Variants in CNGB3 observed in about 807,000 individuals in gnomAD.
CNGB3 encodes the protein cyclic nucleotide-gated channel beta-3.
In CNGB3, 86 loss-of-function variants were observed where a neutral mutation model predicts 92.8. The ratio of observed to expected loss-of-function variants is 0.93; its 90% CI spans 0.78 to 1.11. The LOEUF (loss-of-function observed/expected upper bound fraction) is 1.11, where lower values mean the gene tolerates loss of function less well. Among genes scored for constraint, CNGB3 ranks in the 50% least tolerant of loss-of-function variants. CNGB3 has a pLI of 0.00. For synonymous variants in CNGB3, 333 were observed against 332.7 expected (o/e 1.00, Z -0.01); for missense variants, 1,026 against 956.8 (o/e 1.07, Z -0.95).
At chr8:86,701,128 A>G (rs1019519372) in intron 3 of CNGB3, among the ~76,000 whole-genome samples, 4 of 152,120 alleles carry the variant, frequency 2.6e-5, no homozygotes, top group Non-Finnish European at 5.9e-5. Flanking sequence ...TGAACCTGTT[A>G]TTTTCTATTT....
intron 15 of CNGB3, among the ~76,000 whole-genome samples, chr8:86,602,062 C>T (rs925133732): frequency 1.3e-5 from 2 of 152,138 alleles, no homozygotes; most frequent in Non-Finnish European, 2.9e-5. Context: ...AGTACTCAAC[C>T]CTTGGGAAAG....
At chr8:86,739,856 G>A in intron 1 of CNGB3, 120 bp from the exon 2 acceptor site, 1 of 1,179,742 alleles carries the variant, frequency 8.5e-7, no homozygotes, top group Non-Finnish European at 1.2e-6. Flanking sequence ...GACTGTTTAT[G>A]ATGTACTAAA....
At chr8:86,655,819 A>AAATAATT (rs1823495153) in intron 6 of CNGB3, among the ~76,000 whole-genome samples, 1 of 152,206 alleles carries the variant, frequency 6.6e-6, no homozygotes, top group African/African-American at 2.4e-5. Context: ...TTCAGACCTA[A>AAATAATT]AATAATTAAT....
chr8:86,622,126 T>A (rs1822747794), intron 13 of CNGB3, among the ~76,000 whole-genome samples: 3 of 152,212 alleles, frequency 2.0e-5, no homozygotes, highest in Admixed American at 2.0e-4. Context: ...TTCCTTTTTA[T>A]GGCTGATGGG....
chr8:86,659,181 T>A (rs1188713668), intron 6 of CNGB3: 1 of 712,632 alleles, frequency 1.4e-6, no homozygotes, highest in African/African-American at 1.8e-5. Context: ...TGTGTGCACC[T>A]GCTCTGACAT....
chr8:86,612,347 C>A (rs1219321283), intron 13 of CNGB3, among the ~76,000 whole-genome samples: 3 of 152,120 alleles, frequency 2.0e-5, no homozygotes, highest in Admixed American at 2.0e-4. Context: ...TCTTTAGGTG[C>A]TACAAAAAAC....
At chr8:86,714,694 C>T (rs1218437213) in intron 3 of CNGB3, among the ~76,000 whole-genome samples, 2 of 144,250 alleles carry the variant, frequency 1.4e-5, no homozygotes, top group Non-Finnish European at 3.1e-5. Context: ...CCCTGAGATG[C>T]TGAAAAACTG....
chr8:86,668,736 A>C (rs1353422256), intron 4 of CNGB3, among the ~76,000 whole-genome samples: 2 of 152,014 alleles, frequency 1.3e-5, no homozygotes, highest in African/African-American at 4.8e-5. Flanking sequence ...ATGATGACAA[A>C]ATTCAGGATA....
At chr8:86,588,730 T>A (rs1391055532) in intron 15 of CNGB3, among the ~76,000 whole-genome samples, 1 of 147,826 alleles carries the variant, frequency 6.8e-6, no homozygotes. Context: ...TGCTGCTGGA[T>A]TCGGTTTGCC....
At chr8:86,731,586 A>C (rs1012743644) in intron 2 of CNGB3, among the ~76,000 whole-genome samples, 6 of 152,200 alleles carry the variant, frequency 3.9e-5, no homozygotes, top group Non-Finnish European at 8.8e-5. Flanking sequence ...TAATTCATCT[A>C]GAAAACACAT....
chr8:86,593,918 C>A, intron 15 of CNGB3: 1 of 580,936 alleles, frequency 1.7e-6, no homozygotes, highest in South Asian at 1.6e-5. Context: ...GCCTGTGTGC[C>A]AGGGGCAGAA....
At chr8:86,611,525 C>G (rs1402929565) in intron 14 of CNGB3, 63 bp downstream of exon 14, 4 of 1,340,272 alleles carry the variant, frequency 3.0e-6, no homozygotes, top group Non-Finnish European at 4.3e-6. Context: ...ATGTTCTTGA[C>G]TTATGTCCGA....
At chr8:86,728,018 T>C (rs1825093046) in intron 2 of CNGB3, among the ~76,000 whole-genome samples, 1 of 152,154 alleles carries the variant, frequency 6.6e-6, no homozygotes, top group Non-Finnish European at 1.5e-5. Context: ...TTAAAATTTT[T>C]AAAAGTTTAA....
chr8:86,576,003 C>G lies in CNGB3; in HGVS notation c.2231G>C (p.Arg744Thr), dbSNP rs762489931. 1 of 1,613,566 alleles carries G rather than the reference C, an allele frequency of 6.2e-7. No individual in the cohort carries two copies. The change falls in exon 18 of 18, where the codon AGA becomes ACA. Residue 744 changes from arginine to threonine, a missense_variant. By Grantham distance (71) the Arg-to-Thr change is moderately conservative. Coordinates refer to ENST00000320005, the MANE Select transcript of CNGB3 (RefSeq NM_019098.5). The part of the protein sequence containing the change: ...GKENEDKDKG[R>T]EPEEKPLDRP... ...GTCCAGTGGCTTCTCTTCTGGCTCTCTTCCTTTATCTTTATCTTCATTTTC... is the reference window on the plus strand; with the variant it reads ...GTCCAGTGGCTTCTCTTCTGGCTCTGTTCCTTTATCTTTATCTTCATTTTC...
At chr8:86,594,153 CGGGGAATGTGT>C in intron 15 of CNGB3, 1 of 283,608 alleles carries the variant, frequency 3.5e-6, no homozygotes, top group Non-Finnish European at 7.0e-6. Context: ...CAGCATCCAA[CGGGGAATGTGT>C]CTCCAACGAT....
intron 15 of CNGB3, among the ~76,000 whole-genome samples, chr8:86,603,287 T>C (rs1042001173): frequency 1.3e-5 from 2 of 152,216 alleles, no homozygotes; most frequent in African/African-American, 4.8e-5. Flanking sequence ...TATTTTTATA[T>C]AGTTTATTCC....
At chr8:86,710,917 A>G (rs890882494) in intron 3 of CNGB3, among the ~76,000 whole-genome samples, 1 of 152,236 alleles carries the variant, frequency 6.6e-6, no homozygotes, top group South Asian at 2.1e-4. Flanking sequence ...GCCAGATTTT[A>G]TAATGAAATT....
intron 3 of CNGB3, among the ~76,000 whole-genome samples, chr8:86,719,134 C>A (rs1389685069): frequency 6.6e-6 from 1 of 151,638 alleles, no homozygotes; most frequent in Non-Finnish European, 1.5e-5. Context: ...CCACTTTCAC[C>A]ACTTCTATTT....
intron 3 of CNGB3, among the ~76,000 whole-genome samples, chr8:86,720,830 A>G (rs62525700): frequency 0.033 from 2,126 of 64,770 alleles, 39 homozygotes; most frequent in African/African-American, 0.15. Flanking sequence ...ATATATATAT[A>G]TATATGTATA....
Sources: gnomAD v4.1 joint callset for allele counts (sites outside exome capture counted in the v4.1 genomes callset) on GRCh38, gnomAD v4.1.1 for gene constraint, MANE v1.5 for transcripts, NCBI Gene and HGNC (gene_info 2026-07-23, HGNC 2026-07-21) for gene names.